Variants in BMPER observed in about 807,000 individuals in gnomAD.
The protein encoded by BMPER is BMP-binding endothelial regulator protein.
BMPER carries 45 observed loss-of-function variants against 87.3 expected under a neutral mutation model. The observed-to-expected ratio is 0.52, with a 90% CI of 0.41 to 0.66. The LOEUF (loss-of-function observed/expected upper bound fraction) is 0.66, where lower values mean the gene tolerates loss of function less well. Among genes scored for constraint, BMPER ranks in the 30% least tolerant of loss-of-function variants. The pLI is 0.00. For synonymous variants in BMPER, 326 were observed against 316.2 expected, an observed-to-expected ratio of 1.03 and a Z score of -0.33; for missense variants, 784 against 867.5, an observed-to-expected ratio of 0.90 and a Z score of 1.21.
At chr7:34,086,985 T>C (rs1789230319) in intron 13 of BMPER, among the ~76,000 whole-genome samples, 1 of 152,228 alleles carries the variant, frequency 6.6e-6, no homozygotes. Context: ...AAAACTCCTG[T>C]GGTCTGAAGC....
chr7:33,922,209 T>C lies in BMPER; in HGVS notation c.220-15080T>C, dbSNP rs114693496. Among the ~76,000 whole-genome samples, 798 of 152,358 alleles carry C rather than the reference T, an allele frequency of 5.2e-3. 6 individuals are homozygous for C. Among genetic ancestry groups the C allele is most frequent in the African/African-American group, 0.017 (692 of 41,584 alleles). On this transcript the variant is annotated intron_variant, in intron 2 of 14. Coordinates refer to ENST00000649409, the MANE Select transcript of BMPER (RefSeq NM_001365308.1). Reference sequence around the variant, plus strand: ...TGGGAATCCTTTAAACTTATTTTTTTTGAATTAGCCTGGCATTCCATTGTT... The same window carrying C: ...TGGGAATCCTTTAAACTTATTTTTTCTGAATTAGCCTGGCATTCCATTGTT...
chr7:34,110,309 C>T (rs146893802), intron 13 of BMPER, among the ~76,000 whole-genome samples: 1,612 of 152,302 alleles, frequency 0.011, 19 homozygotes, highest in Non-Finnish European at 0.016. Context: ...CTTCCCCACT[C>T]AGCTTCTCCC....
At chr7:33,918,738 T>TA (rs1240184356) in intron 2 of BMPER, among the ~76,000 whole-genome samples, 1 of 152,168 alleles carries the variant, frequency 6.6e-6, no homozygotes, top group East Asian at 1.9e-4. Context: ...TGAGTTGTGG[T>TA]AATTTCCTGT....
chr7:34,055,348 T>A, intron 9 of BMPER, 45 bp downstream of exon 9: 1 of 1,612,024 alleles, frequency 6.2e-7, no homozygotes, highest in Non-Finnish European at 8.5e-7. Context: ...ATTACTACGC[T>A]GACAATTAAA....
At chr7:34,014,612 T>A (rs1786972253) in intron 6 of BMPER, among the ~76,000 whole-genome samples, 1 of 151,866 alleles carries the variant, frequency 6.6e-6, no homozygotes, top group South Asian at 2.1e-4. Flanking sequence ...AGTGTGGAAT[T>A]TCCTCCCCAT....
At chr7:34,019,590 C>G (rs1032424991) in intron 6 of BMPER, among the ~76,000 whole-genome samples, 1 of 152,054 alleles carries the variant, frequency 6.6e-6, no homozygotes, top group Admixed American at 6.6e-5. Context: ...ACAAAAGCAT[C>G]TCTCTCATAT....
At chr7:34,015,296 G>GAAC (rs1474922793) in intron 6 of BMPER, among the ~76,000 whole-genome samples, 1 of 151,878 alleles carries the variant, frequency 6.6e-6, no homozygotes, top group African/African-American at 2.4e-5. Flanking sequence ...CTGTAAAATA[G>GAAC]AACAATAATA....
intron 3 of BMPER, among the ~76,000 whole-genome samples, chr7:33,955,342 T>G (rs1785124424): frequency 6.6e-6 from 1 of 152,186 alleles, no homozygotes; most frequent in South Asian, 2.1e-4. Context: ...TCCAGAAGAC[T>G]CTGTACAACG....
At chr7:34,086,331 G>T (rs1228224591) in intron 13 of BMPER, among the ~76,000 whole-genome samples, 2 of 152,130 alleles carry the variant, frequency 1.3e-5, no homozygotes, top group East Asian at 3.9e-4. Flanking sequence ...TGCTTTTATA[G>T]GTCTGCACGT....
intron 11 of BMPER, among the ~76,000 whole-genome samples, chr7:34,073,355 A>G (rs996756332): frequency 6.6e-6 from 1 of 152,250 alleles, no homozygotes; most frequent in Non-Finnish European, 1.5e-5. Flanking sequence ...CCCTATTGCT[A>G]CTAGGCTACA....
At chr7:33,930,479 G>A (rs1002772348) in intron 2 of BMPER, among the ~76,000 whole-genome samples, 1 of 152,168 alleles carries the variant, frequency 6.6e-6, no homozygotes, top group Non-Finnish European at 1.5e-5. Flanking sequence ...TATTTTCCAA[G>A]AGACTGAGAA....
rs556982966 is a variant in BMPER at position 33,927,857 on chromosome 7, G to A, written c.220-9432G>A. ...CTACTTAGTTCAAAAGAACTCACCA[G>A]AAAGGTATAAAAATATTCATAGAGT... On this transcript the variant is annotated intron_variant, in intron 2 of 14. Transcript: ENST00000649409. Among the ~76,000 whole-genome samples the A allele has an allele frequency of 1.8e-3, 269 of 152,284 alleles. 1 individual carries two copies. The highest frequency in any genetic ancestry group is 5.5e-3 in the African/African-American group (227 of 41,554).
At chr7:34,079,654 T>C (rs1056626358) in intron 12 of BMPER, among the ~76,000 whole-genome samples, 1 of 152,030 alleles carries the variant, frequency 6.6e-6, no homozygotes, top group East Asian at 1.9e-4. Context: ...TGCAGCGGAG[T>C]CCTCAAAAGT....
intron 2 of BMPER, among the ~76,000 whole-genome samples, chr7:33,922,612 A>G (rs10225998): frequency 0.52 from 79,421 of 152,014 alleles, 21,331 homozygotes; most frequent in Non-Finnish European, 0.59. Flanking sequence ...GCCCAACCAG[A>G]AAGAGAAACT....
intron 7 of BMPER, 40 bp from the exon 8 acceptor site, chr7:34,051,821 G>A (rs765944771): frequency 3.9e-6 from 6 of 1,519,788 alleles, no homozygotes; most frequent in East Asian, 2.3e-5. Context: ...GGACATCCCC[G>A]ATTCTGTCTT....
chr7:33,976,782 C>T (rs1785698271), intron 6 of BMPER, among the ~76,000 whole-genome samples: 1 of 152,124 alleles, frequency 6.6e-6, no homozygotes, highest in Admixed American at 6.6e-5. Flanking sequence ...CCAGAGTTAT[C>T]CAGTGCTGGA....
At position 33,981,750 on chromosome 7, in the gene BMPER, C is replaced by T. The variant is rs17170509; in HGVS notation, c.576+6966C>T. ...ACCAAACATTTAGTCTTTACCAATT[C>T]GGCAGAGAATAGAGAGATGCACGTC... On this transcript the variant is annotated intron_variant, in intron 6 of 14. Transcript: ENST00000649409. 7.5e-3 allele frequency among the ~76,000 whole-genome samples: 1,143 copies of T among 152,212 alleles called. 18 individuals are homozygous for T. The highest frequency in any genetic ancestry group is 0.026 in the African/African-American group (1,093 of 41,516).
At chr7:33,909,154 T>C (rs1166410723) in intron 2 of BMPER, among the ~76,000 whole-genome samples, 1 of 152,220 alleles carries the variant, frequency 6.6e-6, no homozygotes, top group Non-Finnish European at 1.5e-5. Context: ...TCATTTAATC[T>C]TCACAAAACT....
chr7:33,920,759 C>G (rs1332086786), intron 2 of BMPER, among the ~76,000 whole-genome samples: 5 of 151,804 alleles, frequency 3.3e-5, no homozygotes, highest in African/African-American at 1.2e-4. Context: ...CTTCCAGTGA[C>G]TTTTATGCAG....
Sources: allele counts gnomAD v4.1 joint callset (sites outside exome capture counted in the v4.1 genomes callset), GRCh38; gene constraint gnomAD v4.1.1; transcripts MANE v1.5; gene names NCBI Gene and HGNC (gene_info 2026-07-23, HGNC 2026-07-21).